Variants in CIAO3 observed in about 807,000 individuals in gnomAD.
CIAO3 encodes the protein LET1 like/JFP15.
Under a neutral mutation model 51.5 loss-of-function variants are expected in CIAO3, and 45 were observed. The ratio of observed to expected loss-of-function variants is 0.87; its 90% confidence interval spans 0.69 to 1.12. The LOEUF is 1.12. Ranked by LOEUF, CIAO3 falls within the 50% of genes most tolerant of loss-of-function variation. The pLI is 0.00. For missense variants in CIAO3, 668 were observed against 632.5 expected, an observed-to-expected ratio of 1.06 and a Z score of -0.60; for synonymous variants, 314 against 269.3, an observed-to-expected ratio of 1.17 and a Z score of -1.63.
chr16:731,023 G>T, intron 9 of CIAO3, 23 bp from the exon 10 acceptor site: 1 of 1,611,530 alleles, frequency 6.2e-7, no homozygotes, highest in East Asian at 2.2e-5. Context: ...GGCGGGGTTT[G>T]TCTACATGGC....
intron 4 of CIAO3, chr16:735,092 T>C (rs2041325056): frequency 1.3e-5 from 7 of 540,994 alleles, no homozygotes; most frequent in Admixed American, 7.3e-5. Flanking sequence ...CGGCATCCCC[T>C]GTGAACCCAG....
intron 1 of CIAO3, chr16:740,597 C>T: frequency 2.2e-6 from 1 of 451,314 alleles, no homozygotes. Context: ...GTGGGAGCCG[C>T]CTCTGCTGCC....
chr16:739,587 A>G, intron 2 of CIAO3, 56 bp downstream of exon 2: 1 of 1,537,566 alleles, frequency 6.5e-7, no homozygotes, highest in Non-Finnish European at 9.0e-7. Context: ...AAGCAGAGAA[A>G]AGTGTTTCGG....
At chr16:733,788 G>C (rs925743213) in intron 6 of CIAO3, 2 of 380,578 alleles carry the variant, frequency 5.3e-6, no homozygotes, top group Non-Finnish European at 1.0e-5. Context: ...CGTGCAGTCA[G>C]GCAAGAGGTG....
At position 730,942 on chromosome 16, in the gene CIAO3, C is replaced by G. The variant is rs147538611; in HGVS notation, c.1093G>C (p.Ala365Pro). 1.2e-6 allele frequency: 2 copies of G among 1,612,980 alleles called. No homozygotes were observed. Among genetic ancestry groups the G allele is most frequent in the East Asian group, 2.2e-5 (1 of 44,882 alleles). ...ATGTTGCGGAAGCCGTACGCCATTGCGAAGTGCAGCAGCACCTGGCCCTCC... is the reference window on the plus strand; with the variant it reads ...ATGTTGCGGAAGCCGTACGCCATTGGGAAGTGCAGCAGCACCTGGCCCTCC... ...EKEGQVLLHFAMAYGFRNIQN... is the reference protein window; with the variant it reads ...EKEGQVLLHFPMAYGFRNIQN... Residue 365 changes from alanine to proline, a missense_variant, in exon 10 of 11, where the codon GCA (alanine) becomes CCA (proline). Ala to Pro is a conservative substitution (Grantham distance 27). Coordinates refer to ENST00000251588, the MANE Select transcript of CIAO3 (RefSeq NM_022493.3).
intron 7 of CIAO3, 191 bp from the exon 8 acceptor site, chr16:732,564 G>A (rs1315032385): frequency 2.9e-6 from 2 of 693,554 alleles, no homozygotes; most frequent in African/African-American, 3.5e-5. Context: ...GCCTGGTCCT[G>A]CCCAGGGAGG....
In CIAO3 at chr16:732,370, T is replaced by A; in HGVS notation, c.827A>T (p.Glu276Val). Reference sequence around the variant, plus strand: ...CTCTTCCTCCAGCAACCTGAAAACTTCTCCTGCAAAGAAGCCACAGCGCAG... The same window carrying A: ...CTCTTCCTCCAGCAACCTGAAAACTACTCCTGCAAAGAAGCCACAGCGCAG... ...RDVDCVLTTG[E>V]VFRLLEEEGV... is the part of the protein sequence containing the mutation. The change falls in exon 8 of 11, where the codon GAA becomes GTA. Residue 276 changes from glutamate to valine, a missense_variant. Physicochemically the swap from Glu to Val is moderately radical, Grantham distance 121. Coordinates refer to ENST00000251588, the MANE Select transcript of CIAO3 (RefSeq NM_022493.3). 4 of 1,612,674 alleles carry A rather than the reference T, an allele frequency of 2.5e-6. No individual in the cohort carries two copies. The highest frequency in any genetic ancestry group is 3.4e-6 in the Non-Finnish European group (4 of 1,179,788).
At chr16:736,827 C>T (rs532919573) in intron 3 of CIAO3, among the ~76,000 whole-genome samples, 14 of 152,314 alleles carry the variant, frequency 9.2e-5, no homozygotes, top group African/African-American at 3.1e-4. Flanking sequence ...CCACACCTGG[C>T]TAATTCTTGT....
At chr16:731,723 T>G in intron 8 of CIAO3, 21 bp from the exon 9 acceptor site, 1 of 1,535,626 alleles carries the variant, frequency 6.5e-7, no homozygotes, top group Non-Finnish European at 8.7e-7. Flanking sequence ...GGGAGGGGCC[T>G]CAGCACAGCT....
intron 8 of CIAO3, 131 bp downstream of exon 8, chr16:732,170 G>A (rs772317959): frequency 3.6e-5 from 35 of 961,870 alleles, no homozygotes; most frequent in Admixed American, 4.5e-5. Context: ...GAGCTACTGC[G>A]CCTGGCTATC....
chr16:737,536 G>A lies in CIAO3; in HGVS notation c.163-207C>T. The stretch of plus-strand genomic sequence containing the variant: ...ATAATGCCGTCAAGTCTGCTTCTTG[G>A]TACCACTTGGTTAGTGCATCCGAAT... On this transcript the variant is annotated intron_variant, in intron 2 of 10. Coordinates refer to ENST00000251588, the MANE Select transcript of CIAO3 (RefSeq NM_022493.3). This position sits in a 1 kb window ranked among gnomAD's most constrained non-coding sequence, Gnocchi z 5.3. 1 of 1,512,564 alleles carries A rather than the reference G, an allele frequency of 6.6e-7. No individual in the cohort carries two copies. The highest frequency in any genetic ancestry group is 1.4e-5 in the African/African-American group (1 of 72,628). The allele number at this position is 1,512,564 out of a possible 1,614,324, so 93.7% of individuals were successfully genotyped here.
rs144913961 is a variant in CIAO3, at chr16:736,357, G to C, written c.348C>G (p.Val116=). ...CCAGCGATGCTCTAGACTGTGGTGAGACCGAAACTACAACCAGCCTCTGCT... is the reference window on the plus strand; with the variant it reads ...CCAGCGATGCTCTAGACTGTGGTGACACCGAAACTACAACCAGCCTCTGCT... ...PSQQRLVVVS[V]SPQSRASLAA... The change falls in exon 4 of 11, where the codon GTC becomes GTG. Residue 116 remains valine (V), a synonymous_variant. Transcript: ENST00000251588. 218 of 1,612,894 alleles carry C rather than the reference G, an allele frequency of 1.4e-4. No individual in the cohort carries two copies. Among genetic ancestry groups the C allele is most frequent in the Admixed American group, 2.5e-4 (15 of 59,994 alleles).
Position 732,136 on chromosome 16 carries a change from C to T in CIAO3, c.896+165G>A, listed in dbSNP as rs553246420. ...CAGGTGATCTGCCCACCTTGGCCTCCCAAAGTGCTGGGGTGACAGGCGTGA... is the reference window on the plus strand; with the variant it reads ...CAGGTGATCTGCCCACCTTGGCCTCTCAAAGTGCTGGGGTGACAGGCGTGA... On this transcript the variant is annotated intron_variant, in intron 8 of 10. Coordinates refer to ENST00000251588, the MANE Select transcript of CIAO3 (RefSeq NM_022493.3). 244 of 743,774 alleles carry T rather than the reference C, an allele frequency of 3.3e-4. 1 individual carries two copies. In the Admixed American group the frequency reaches 5.8e-3, roughly 18 times the overall value. The allele number at this position is 743,774 out of a possible 1,614,324, so 46.1% of individuals were successfully genotyped here. A position where few individuals can be genotyped will look rare whatever the true frequency, so the allele number is the denominator to read the frequency against.
At chr16:731,172 T>A (rs776475121) in intron 9 of CIAO3, 172 bp from the exon 10 acceptor site, 5 of 848,836 alleles carry the variant, frequency 5.9e-6, no homozygotes, top group Non-Finnish European at 8.9e-6. Context: ...GAAGGCTCAC[T>A]TCCTTGAGTC....
intron 3 of CIAO3, 119 bp from the exon 4 acceptor site, chr16:736,517 T>TA: frequency 4.9e-6 from 6 of 1,232,192 alleles, no homozygotes; most frequent in East Asian, 2.5e-5. Flanking sequence ...CCATCAAGAG[T>TA]CTTTTTTTTT....
At chr16:732,535 T>C (rs554289512) in intron 7 of CIAO3, 162 bp from the exon 8 acceptor site, 5 of 792,874 alleles carry the variant, frequency 6.3e-6, no homozygotes, top group Non-Finnish European at 1.1e-5. Flanking sequence ...CGGTCACTCC[T>C]GAAGCCCCTC....
chr16:740,271 T>C (rs1037673386), intron 1 of CIAO3: 11 of 393,212 alleles, frequency 2.8e-5, no homozygotes, highest in Non-Finnish European at 4.3e-5. Flanking sequence ...GCGGGGCTGT[T>C]GGACATGGAC....
chr16:731,875 GT>G (rs111908664), intron 8 of CIAO3, 173 bp from the exon 9 acceptor site: 7,990 of 677,610 alleles, frequency 0.012, no homozygotes, highest in South Asian at 0.019. Context: ...GCCACTTCTT[GT>G]TTTTTTTTTT....
Position 737,874 on chromosome 16 carries a change from G to A in CIAO3, c.163-545C>T, listed in dbSNP as rs2041355482. On this transcript the variant is annotated intron_variant, in intron 2 of 10. Coordinates refer to ENST00000251588, the MANE Select transcript of CIAO3 (RefSeq NM_022493.3). The surrounding 1 kb of genome is among the most constrained non-coding windows in gnomAD (Gnocchi z 5.3). ...TTCCAGTCGGGGGCCTCCGGGACAT[G>A]CCTCAGCAACTTTTCTTACATGCAA... 2.3e-5 allele frequency: 27 copies of A among 1,182,734 alleles called. No individual in the cohort carries two copies. Among genetic ancestry groups the A allele is most frequent in the Non-Finnish European group, 2.8e-5 (26 of 938,380 alleles). The allele number at this position is 1,182,734 out of a possible 1,614,324, so 73.3% of individuals were successfully genotyped here.
Sources: allele counts gnomAD v4.1 joint callset (sites outside exome capture counted in the v4.1 genomes callset), GRCh38; gene constraint gnomAD v4.1.1; non-coding constraint Gnocchi (gnomAD v3.1); transcripts MANE v1.5; gene names NCBI Gene and HGNC (gene_info 2026-07-23, HGNC 2026-07-21).